SLC9A9: variants seen among roughly 807,000 people sequenced by gnomAD.
SLC9A9 encodes solute carrier family 9 member A9.
SLC9A9 carries 62 observed loss-of-function variants against 77.8 expected under a neutral mutation model. The observed-to-expected ratio is 0.80, with a 90% CI of 0.65 to 0.98. SLC9A9 has a LOEUF of 0.98. Ranked by LOEUF, SLC9A9 falls within the 50% of genes least tolerant of loss-of-function variation. SLC9A9 has a pLI of 0.00. For missense variants in SLC9A9, 775 were observed against 774.9 expected, an observed-to-expected ratio of 1.00 and a Z score of 0.00; for synonymous variants, 320 against 283.5, an observed-to-expected ratio of 1.13 and a Z score of -1.29.
In SLC9A9 at chr3:143,477,557, T is replaced by C. The variant is rs571849836; in HGVS notation, c.1316-10367A>G. Among the ~76,000 whole-genome samples the C allele has an allele frequency of 1.2e-3, 184 of 152,116 alleles. 1 individual carries two copies. The highest frequency in any genetic ancestry group is 3.7e-3 in the African/African-American group (154 of 41,486). ...TAAGATGGAAGCAGCCTTGTTATAT[T>C]TGAATCACCGCCTGTAGGAGGGGCA... On this transcript the variant is annotated intron_variant, in intron 11 of 15. Transcript: ENST00000316549.
At chr3:143,643,060 A>G (rs2038648033) in intron 6 of SLC9A9, among the ~76,000 whole-genome samples, 1 of 151,956 alleles carries the variant, frequency 6.6e-6, no homozygotes, top group South Asian at 2.1e-4. Context: ...TCCTTTGCTC[A>G]ACATGGTGGA....
At chr3:143,581,858 C>G (rs1027074129) in intron 6 of SLC9A9, among the ~76,000 whole-genome samples, 1 of 152,186 alleles carries the variant, frequency 6.6e-6, no homozygotes, top group Non-Finnish European at 1.5e-5. Context: ...CCTGGCCCAC[C>G]AGCAGGTGAG....
chr3:143,665,445 C>T (rs2039049111), intron 5 of SLC9A9, among the ~76,000 whole-genome samples: 1 of 152,114 alleles, frequency 6.6e-6, no homozygotes, highest in Admixed American at 6.5e-5. Context: ...CAAGAGCAAG[C>T]ATACTCAAAA....
At chr3:143,329,866 C>T (rs2031714347) in intron 14 of SLC9A9, among the ~76,000 whole-genome samples, 1 of 152,142 alleles carries the variant, frequency 6.6e-6, no homozygotes, top group Non-Finnish European at 1.5e-5. Flanking sequence ...ACTTTCCTCC[C>T]AGCTTTTGTT....
chr3:143,810,046 A>G (rs1455571948), intron 2 of SLC9A9, among the ~76,000 whole-genome samples: 1 of 152,270 alleles, frequency 6.6e-6, no homozygotes, highest in African/African-American at 2.4e-5. Flanking sequence ...GAAAACAGTG[A>G]GATTTTTAAA....
intron 6 of SLC9A9, among the ~76,000 whole-genome samples, chr3:143,594,732 C>G (rs1390867441): frequency 1.3e-5 from 2 of 151,626 alleles, no homozygotes; most frequent in Non-Finnish European, 2.9e-5. Flanking sequence ...TGCACATTTT[C>G]TTGGCTCTTT....
Position 143,335,337 on chromosome 3 carries a change from G to T in SLC9A9, c.1604+28147C>A, listed in dbSNP as rs555040454. Among the ~76,000 whole-genome samples the T allele has an allele frequency of 1.4e-3, 212 of 152,242 alleles. 1 individual carries two copies. Among genetic ancestry groups the T allele is most frequent in the African/African-American group, 4.7e-3 (195 of 41,564 alleles). On this transcript the variant is annotated intron_variant, in intron 14 of 15. Coordinates refer to ENST00000316549, the MANE Select transcript of SLC9A9 (RefSeq NM_173653.4). ...TCAGAAGACTTAATATTGTTAAAAT[G>T]TTTATACTGCCCAAAATGATGTATA...
intron 2 of SLC9A9, among the ~76,000 whole-genome samples, chr3:143,799,863 C>T (rs1210345032): frequency 6.6e-6 from 1 of 152,180 alleles, no homozygotes; most frequent in Non-Finnish European, 1.5e-5. Context: ...TTAATCAATA[C>T]AGAGGCTACC....
rs552344254 is a variant in SLC9A9 at position 143,507,177 on chromosome 3, G to A, written c.1090-11729C>T. On this transcript the variant is annotated intron_variant, in intron 9 of 15. Coordinates refer to ENST00000316549, the MANE Select transcript of SLC9A9 (RefSeq NM_173653.4). ...TACCTCCTATCCCGACACATGTACA[G>A]CCTCTCTCATTATTATTATCATTAT... Among the ~76,000 whole-genome samples, 6 of 151,698 alleles carry A rather than the reference G, an allele frequency of 4.0e-5. No individual in the cohort carries two copies. In the South Asian group the frequency reaches 1.3e-3, roughly 32 times the overall value.
chr3:143,525,102 A>G (rs2036382305), intron 9 of SLC9A9, among the ~76,000 whole-genome samples: 1 of 152,246 alleles, frequency 6.6e-6, no homozygotes, highest in Non-Finnish European at 1.5e-5. Flanking sequence ...TATAGATGTC[A>G]AAAGAAATAG....
At chr3:143,669,199 C>A (rs2039122032) in intron 5 of SLC9A9, among the ~76,000 whole-genome samples, 1 of 152,206 alleles carries the variant, frequency 6.6e-6, no homozygotes, top group Non-Finnish European at 1.5e-5. Flanking sequence ...AAGAACCAGA[C>A]AGCAAGGAAA....
intron 4 of SLC9A9, among the ~76,000 whole-genome samples, chr3:143,713,037 T>A (rs778039855): frequency 1.2e-4 from 19 of 152,140 alleles, no homozygotes; most frequent in Non-Finnish European, 2.4e-4. Flanking sequence ...AAACAGAAGA[T>A]GGTAAAGGCA....
intron 14 of SLC9A9, among the ~76,000 whole-genome samples, chr3:143,312,560 T>G (rs1022391007): frequency 1.3e-5 from 2 of 152,246 alleles, no homozygotes; most frequent in Non-Finnish European, 2.9e-5. Flanking sequence ...TGTTCCATCA[T>G]CCTGCTTTTC....
intron 2 of SLC9A9, among the ~76,000 whole-genome samples, chr3:143,826,332 A>G (rs116503395): frequency 0.017 from 2,618 of 151,502 alleles, 82 homozygotes; most frequent in African/African-American, 0.06. Context: ...TCTAACTTTT[A>G]ACTTCCACAT....
At chr3:143,361,661 G>T (rs1403574904) in intron 14 of SLC9A9, among the ~76,000 whole-genome samples, 1 of 152,138 alleles carries the variant, frequency 6.6e-6, no homozygotes, top group Non-Finnish European at 1.5e-5. Context: ...TGTGCAGGAG[G>T]ATAAATTACC....
At chr3:143,435,249 GGTTT>G (rs1271427058) in intron 12 of SLC9A9, among the ~76,000 whole-genome samples, 1 of 151,986 alleles carries the variant, frequency 6.6e-6, no homozygotes, top group African/African-American at 2.4e-5. Context: ...ACTCATGACT[GGTTT>G]GTTTTTGAAT....
intron 2 of SLC9A9, among the ~76,000 whole-genome samples, chr3:143,819,628 A>C (rs776137105): frequency 6.4e-4 from 97 of 152,358 alleles, no homozygotes; most frequent in Admixed American, 2.0e-3. Flanking sequence ...TAAATAAAAA[A>C]AAAATTTCCA....
rs535772766 is a variant in SLC9A9 at position 143,692,313 on chromosome 3, A to G, written c.649+879T>C. Among the ~76,000 whole-genome samples, 23 of 152,330 alleles carry G rather than the reference A, an allele frequency of 1.5e-4. No individual in the cohort carries two copies. The East Asian group carries it at 4.4e-3, about 29-fold the overall frequency. ...ACTGCTATACAAACAAATAATGACA[A>G]TAAGACAATTAGGAATATTAAAACA... On this transcript the variant is annotated intron_variant, in intron 5 of 15. Coordinates refer to ENST00000316549, the MANE Select transcript of SLC9A9 (RefSeq NM_173653.4).
At position 143,309,115 on chromosome 3, in the gene SLC9A9, T is replaced by C. The variant is rs147268006; in HGVS notation, c.1605-40135A>G. On this transcript the variant is annotated intron_variant, in intron 14 of 15. Coordinates refer to ENST00000316549, the MANE Select transcript of SLC9A9 (RefSeq NM_173653.4). ...GATTCTATTTGGACCTCAAGTTCCATTCATATCAAAGAGTCTCTACTTCCA... is the reference window on the plus strand; with the variant it reads ...GATTCTATTTGGACCTCAAGTTCCACTCATATCAAAGAGTCTCTACTTCCA... Among the ~76,000 whole-genome samples, 1,124 of 152,306 alleles carry C rather than the reference T, an allele frequency of 7.4e-3. 13 individuals carry two copies. The highest frequency in any genetic ancestry group is 0.026 in the African/African-American group (1,066 of 41,570).
Sources: gnomAD v4.1 joint callset for allele counts (sites outside exome capture counted in the v4.1 genomes callset) on GRCh38, gnomAD v4.1.1 for gene constraint, MANE v1.5 for transcripts, NCBI Gene and HGNC (gene_info 2026-07-23, HGNC 2026-07-21) for gene names.